Variants in FABP6 observed in about 807,000 individuals in gnomAD.
The protein encoded by FABP6 is gastrotropin.
FABP6 carries 13 observed loss-of-function variants against 14.9 expected under a neutral mutation model. The observed-to-expected ratio is 0.87, with a 90% CI of 0.57 to 1.39. FABP6 has a LOEUF of 1.39. Among genes scored for constraint, FABP6 ranks in the 40% most tolerant of loss-of-function variants. The pLI is 0.00. For missense variants in FABP6, 161 were observed against 167.2 expected (o/e 0.96, Z 0.20); for synonymous variants, 75 against 63.6 (o/e 1.18, Z -0.85).
upstream of FABP6, among the ~76,000 whole-genome samples, chr5:160,224,702 G>A (rs1760203899): frequency 6.6e-6 from 1 of 152,110 alleles, no homozygotes; most frequent in South Asian, 2.1e-4. Flanking sequence ...GCTAAGGTGG[G>A]AGAATCACTT....
At chr5:160,206,873 C>T (rs182400520) in intron 2 of FABP6, among the ~76,000 whole-genome samples, 54 of 152,306 alleles carry the variant, frequency 3.5e-4, no homozygotes, top group Admixed American at 2.6e-3. Flanking sequence ...ATGCTAGACA[C>T]AGCACCAAGG....
At chr5:160,201,808 G>A (rs1435893937) in intron 2 of FABP6, among the ~76,000 whole-genome samples, 2 of 152,042 alleles carry the variant, frequency 1.3e-5, no homozygotes, top group Non-Finnish European at 2.9e-5. Context: ...CTATCACTCA[G>A]GCTGGAATGC....
chr5:160,224,276 T>C (rs1318023943), intron 3 of FABP6, among the ~76,000 whole-genome samples: 1 of 151,588 alleles, frequency 6.6e-6, no homozygotes, highest in South Asian at 2.1e-4. Flanking sequence ...ATAAAAAAAT[T>C]AGCTGGGCAT....
chr5:160,229,230 C>T (rs1760314261), upstream of FABP6, among the ~76,000 whole-genome samples: 3 of 152,108 alleles, frequency 2.0e-5, no homozygotes, highest in Admixed American at 1.3e-4. Context: ...ATGGTGAGAG[C>T]ATGGGTTGAG....
exon 2 of FABP6, chr5:160,199,105 C>G: frequency 1.2e-6 from 2 of 1,614,038 alleles, no homozygotes; most frequent in Non-Finnish European, 1.7e-6. Context: ...AGCCCAGAGG[C>G]GATGAAGACA....
chr5:160,224,207 G>A (rs1247036540), intron 3 of FABP6, among the ~76,000 whole-genome samples: 1 of 152,076 alleles, frequency 6.6e-6, no homozygotes, highest in African/African-American at 2.4e-5. Flanking sequence ...CTGCACTCCG[G>A]CCTGGGCGAA....
At chr5:160,238,476 C>T in intron 3 of FABP6, 130 bp from the exon 4 acceptor site, 3 of 718,750 alleles carry the variant, frequency 4.2e-6, no homozygotes, top group Non-Finnish European at 2.4e-6. Context: ...GAAACTGAGG[C>T]CGAAAGAAGT....
At chr5:160,230,269 T>C (rs1231826500) in intron 1 of FABP6, among the ~76,000 whole-genome samples, 3 of 152,180 alleles carry the variant, frequency 2.0e-5, no homozygotes, top group Non-Finnish European at 1.5e-5. Context: ...GGGAATTAAC[T>C]AGTCCAAAGT....
At chr5:160,191,703 T>G (rs1314925900) in intron 1 of FABP6, among the ~76,000 whole-genome samples, 2 of 151,088 alleles carry the variant, frequency 1.3e-5, no homozygotes, top group African/African-American at 4.9e-5. Flanking sequence ...GGCTCACGCC[T>G]GTAATCCCAG....
At chr5:160,234,413 G>T (rs892554332) in intron 2 of FABP6, among the ~76,000 whole-genome samples, 43 of 86,416 alleles carry the variant, frequency 5.0e-4, no homozygotes, top group African/African-American at 7.9e-4. Context: ...ACCTACAACT[G>T]TCTTGGTAAA....
intron 2 of FABP6, among the ~76,000 whole-genome samples, chr5:160,232,649 C>A (rs1049299028): frequency 2.6e-5 from 4 of 152,122 alleles, no homozygotes; most frequent in Non-Finnish European, 4.4e-5. Context: ...GTAATCCCAG[C>A]ACTTTGGGAG....
At chr5:160,237,855 C>T (rs1015533052) in intron 3 of FABP6, among the ~76,000 whole-genome samples, 3 of 152,210 alleles carry the variant, frequency 2.0e-5, no homozygotes, top group Admixed American at 2.0e-4. Flanking sequence ...TTCCCTTTCT[C>T]CTGTTTGCTT....
chr5:160,228,365 TGG>T (rs1760296510), upstream of FABP6: 2 of 452,816 alleles, frequency 4.4e-6, no homozygotes, highest in Non-Finnish European at 8.9e-6. Flanking sequence ...CACTCCAGCC[TGG>T]GAAACAAGAG....
At chr5:160,203,216 A>G (rs920070374) in intron 2 of FABP6, among the ~76,000 whole-genome samples, 2 of 152,148 alleles carry the variant, frequency 1.3e-5, no homozygotes, top group African/African-American at 4.8e-5. Flanking sequence ...GCTGGGCTTC[A>G]TAGGCAGAAA....
chr5:160,193,738 T>A (rs1373442934), intron 1 of FABP6, among the ~76,000 whole-genome samples: 2 of 152,168 alleles, frequency 1.3e-5, no homozygotes, highest in Non-Finnish European at 2.9e-5. Context: ...AACCTTGAGC[T>A]AGATAGAGAG....
chr5:160,238,546 T>A (rs940758867), intron 3 of FABP6, 60 bp from the exon 4 acceptor site: 1 of 1,467,484 alleles, frequency 6.8e-7, no homozygotes, highest in East Asian at 2.3e-5. Flanking sequence ...CCTTCAGCGG[T>A]GCCTCCTGGC....
intron 3 of FABP6, among the ~76,000 whole-genome samples, chr5:160,215,371 G>T (rs1759988508): frequency 6.6e-6 from 1 of 152,076 alleles, no homozygotes. Flanking sequence ...AAATTAGCCG[G>T]GTGTGTTGGC....
chr5:160,200,885 A>T (rs1759623965), intron 2 of FABP6, among the ~76,000 whole-genome samples: 1 of 152,182 alleles, frequency 6.6e-6, no homozygotes, highest in African/African-American at 2.4e-5. Flanking sequence ...TAGCATTGCC[A>T]GGGAAGTATG....
At chr5:160,204,777 CA>C (rs1759725322) in intron 2 of FABP6, 1 of 152,438 alleles carries the variant, frequency 6.6e-6, no homozygotes, top group South Asian at 2.1e-4. Flanking sequence ...AGGTGTAAGT[CA>C]CTGCGCACGG....
Sources: allele counts gnomAD v4.1 joint callset (sites outside exome capture counted in the v4.1 genomes callset), GRCh38; gene constraint gnomAD v4.1.1; transcripts MANE v1.5; gene names NCBI Gene and HGNC (gene_info 2026-07-23, HGNC 2026-07-21).